CD55: variants seen among roughly 807,000 people sequenced by gnomAD.
CD55 encodes the protein complement decay-accelerating factor.
A neutral mutation model predicts 45.8 loss-of-function variants in CD55; 41 were observed. The ratio of observed to expected loss-of-function variants is 0.90; its 90% CI spans 0.70 to 1.16. The LOEUF is 1.16. Among genes scored for constraint, CD55 ranks in the 50% most tolerant of loss-of-function variants. The pLI, the probability that CD55 is intolerant of heterozygous loss-of-function variation, is 0.00. For synonymous variants in CD55, 181 were observed against 181.1 expected (o/e 1.00, Z 0.01); for missense variants, 416 against 469.8 (o/e 0.89, Z 1.06).
intron 9 of CD55, among the ~76,000 whole-genome samples, chr1:207,357,497 A>C (rs1378788229): frequency 1.4e-5 from 2 of 143,558 alleles, no homozygotes; most frequent in Admixed American, 7.0e-5. Flanking sequence ...ATCAATGTAT[A>C]GAGTATTATC....
chr1:207,345,546 A>G (rs1158543575), intron 9 of CD55, among the ~76,000 whole-genome samples: 2 of 151,876 alleles, frequency 1.3e-5, no homozygotes, highest in Non-Finnish European at 2.9e-5. Flanking sequence ...TAATATCACA[A>G]CTTTGAATTC....
At chr1:207,322,146 A>G in intron 1 of CD55, 1 of 659,994 alleles carries the variant, frequency 1.5e-6, no homozygotes, top group Non-Finnish European at 2.8e-6. Flanking sequence ...ATCGAAAGGG[A>G]GGGCTCAAAG....
chr1:207,328,385 AT>A (rs1654782172), intron 5 of CD55, among the ~76,000 whole-genome samples: 1 of 152,232 alleles, frequency 6.6e-6, no homozygotes, highest in Admixed American at 6.5e-5. Context: ...TACCAAAAAG[AT>A]TGAATGGAAA....
intron 2 of CD55, among the ~76,000 whole-genome samples, chr1:207,323,348 T>C (rs550257662): frequency 6.6e-6 from 1 of 151,488 alleles, no homozygotes; most frequent in East Asian, 1.9e-4. Flanking sequence ...GGTAGATAGG[T>C]TGATTGTTAA....
chr1:207,359,515 A>G, intron 9 of CD55, 31 bp from the exon 10 acceptor site: 1 of 697,278 alleles, frequency 1.4e-6, no homozygotes, highest in South Asian at 2.1e-5. Context: ...TTTGATTTTA[A>G]CTTTTTTTTT....
intron 2 of CD55, 137 bp from the exon 3 acceptor site, chr1:207,324,422 A>C (rs1436271409): frequency 4.2e-6 from 2 of 477,202 alleles, no homozygotes; most frequent in Non-Finnish European, 7.3e-6. Context: ...TGCCATGGTG[A>C]TATTAATATA....
At chr1:207,354,860 A>G (rs1656018085) in intron 9 of CD55, among the ~76,000 whole-genome samples, 1 of 152,204 alleles carries the variant, frequency 6.6e-6, no homozygotes, top group Admixed American at 6.5e-5. Flanking sequence ...AGAACTATGT[A>G]TATGTGTTGA....
At chr1:207,353,857 T>C in intron 9 of CD55, 1 of 600,932 alleles carries the variant, frequency 1.7e-6, no homozygotes, top group Non-Finnish European at 2.7e-6. Context: ...ATACTGTTTT[T>C]CAAATCATCT....
chr1:207,353,896 C>A, intron 9 of CD55: 1 of 972,344 alleles, frequency 1.0e-6, no homozygotes, highest in Non-Finnish European at 1.5e-6. Context: ...GGTGCCTTCA[C>A]TTGTCCACAG....
At chr1:207,336,863 G>C (rs369919006) in intron 7 of CD55, 45 bp downstream of exon 7, 6 of 1,611,048 alleles carry the variant, frequency 3.7e-6, no homozygotes, top group Non-Finnish European at 5.1e-6. Flanking sequence ...CACAGAAAAT[G>C]TTTCAGCTAC....
intron 9 of CD55, chr1:207,350,210 C>T: frequency 4.9e-6 from 2 of 411,688 alleles, no homozygotes; most frequent in East Asian, 8.6e-5. Context: ...GGAATAAAGC[C>T]TACTTGATCG....
intron 9 of CD55, chr1:207,347,674 T>C (rs1655702357): frequency 6.0e-6 from 1 of 167,476 alleles, no homozygotes; most frequent in South Asian, 1.5e-4. Flanking sequence ...TAATATTTCA[T>C]CACCCAGGTA....
At chr1:207,359,516 C>CTTTTTTTTTTTTTTTT (rs56236833) in intron 9 of CD55, 30 bp from the exon 10 acceptor site, 2 of 1,284,872 alleles carry the variant, frequency 1.6e-6, no homozygotes, top group African/African-American at 1.7e-5. Context: ...TTGATTTTAA[C>CTTTTTTTTTTTTTTTT]TTTTTTTTTT....
At chr1:207,347,010 A>C (rs1655666942) in intron 9 of CD55, 1 of 437,126 alleles carries the variant, frequency 2.3e-6, no homozygotes, top group Non-Finnish European at 4.6e-6. Context: ...AATCTCAGCC[A>C]AACAGGCTGC....
chr1:207,331,266 G>T lies in CD55; in HGVS notation c.823G>T (p.Glu275Ter). The T allele has an allele frequency of 1.2e-6, 2 of 1,613,828 alleles. No homozygotes were observed. The highest frequency in any genetic ancestry group is 1.7e-6 in the Non-Finnish European group (2 of 1,179,820). The change falls in exon 6 of 10, where the codon GAG becomes TAG. Residue 275 changes from glutamate to a stop codon, truncating the protein, a stop_gained. Coordinates refer to ENST00000367064, the MANE Select transcript of CD55 (RefSeq NM_000574.5). LOFTEE classifies it high-confidence loss of function. ...IYCTVNNDEGEWSGPPPECRG... is the reference protein window; with the variant it reads ...IYCTVNNDEG ...TTGTACTGTGAATAATGATGAAGGA[G>T]AGTGGAGTGGCCCACCACCTGAATG...
chr1:207,323,294 G>GAT (rs1237993983), intron 2 of CD55, among the ~76,000 whole-genome samples: 3 of 151,398 alleles, frequency 2.0e-5, no homozygotes, highest in Admixed American at 6.6e-5. Context: ...TAGGGAGAGA[G>GAT]ATATATATAG....
At position 207,321,773 on chromosome 1, in the gene CD55, TCGCGCGGCCGAGCGTGCCCGCGGCGCTG is replaced by T; in HGVS notation, c.10_37del (p.Ala4ProfsTer48). ...GTTCTAACCCGGCGCGCCATGACCG[TCGCGCGGCCGAGCGTGCCCGCGGCGCTG>T]CCCCTCCTCGGGGAGCTGCCCCGGC... On this transcript the variant is annotated frameshift_variant, in exon 1 of 10. Transcript: ENST00000367064. LOFTEE classifies it high-confidence loss of function. 2.6e-6 allele frequency: 4 copies of T among 1,517,796 alleles called. No homozygotes were observed. The highest frequency in any genetic ancestry group is 3.5e-6 in the Non-Finnish European group (4 of 1,139,234). 94.0% of individuals were successfully genotyped at this position (1,517,796 alleles called of 1,614,324 possible). A position where few individuals can be genotyped will look rare whatever the true frequency, so the allele number is the denominator to read the frequency against.
chr1:207,345,025 C>A (rs916620967), intron 9 of CD55, among the ~76,000 whole-genome samples: 1 of 152,122 alleles, frequency 6.6e-6, no homozygotes, highest in Non-Finnish European at 1.5e-5. Context: ...CAGAGAAGAC[C>A]TTTTTAAATT....
chr1:207,348,548 T>C (rs1307967843), intron 9 of CD55, among the ~76,000 whole-genome samples: 2 of 152,208 alleles, frequency 1.3e-5, no homozygotes, highest in African/African-American at 4.8e-5. Context: ...ATATATTTTT[T>C]TGCCATGCAG....
Sources: allele counts gnomAD v4.1 joint callset (sites outside exome capture counted in the v4.1 genomes callset), GRCh38; gene constraint gnomAD v4.1.1; transcripts MANE v1.5; gene names NCBI Gene and HGNC (gene_info 2026-07-23, HGNC 2026-07-21).